Variants in IMMP2L observed in about 807,000 individuals in gnomAD.
IMMP2L encodes inner mitochondrial membrane peptidase subunit 2, also known as mitochondrial inner membrane protease subunit 2.
A neutral mutation model predicts 19.3 loss-of-function variants in IMMP2L; 18 were observed. The ratio of observed to expected loss-of-function variants is 0.93; its 90% CI spans 0.64 to 1.38. The LOEUF is 1.38. Among genes scored for constraint, IMMP2L ranks in the 40% most tolerant of loss-of-function variants. The pLI is 0.00. For missense variants in IMMP2L, 233 were observed against 218.2 expected (o/e 1.07, Z -0.43); for synonymous variants, 76 against 73.0 (o/e 1.04, Z -0.21).
At chr7:111,170,990 G>T (rs1016842500) in intron 3 of IMMP2L, among the ~76,000 whole-genome samples, 3 of 151,752 alleles carry the variant, frequency 2.0e-5, no homozygotes, top group South Asian at 2.1e-4. Flanking sequence ...CTTATAATCA[G>T]GTTATATGAA....
intron 3 of IMMP2L, among the ~76,000 whole-genome samples, chr7:111,313,821 T>C (rs746218945): frequency 6.6e-5 from 10 of 152,112 alleles, no homozygotes; most frequent in Admixed American, 3.9e-4. Flanking sequence ...ATTTGTCCAA[T>C]CCAAATTTCA....
At chr7:110,665,359 A>T (rs58165417) in intron 5 of IMMP2L, among the ~76,000 whole-genome samples, 44,789 of 152,042 alleles carry the variant, frequency 0.29, 10,096 homozygotes, top group African/African-American at 0.63. Flanking sequence ...TATCCCTGAA[A>T]ACTTCAACAT....
chr7:110,753,715 T>TAAGA (rs976276630), intron 5 of IMMP2L, among the ~76,000 whole-genome samples: 5 of 151,098 alleles, frequency 3.3e-5, no homozygotes, highest in African/African-American at 1.2e-4. Context: ...GCCAAAAAGG[T>TAAGA]AAGAGGCTTT....
intron 3 of IMMP2L, among the ~76,000 whole-genome samples, chr7:110,978,003 A>C (rs2129557556): frequency 6.6e-6 from 1 of 152,180 alleles, no homozygotes; most frequent in Non-Finnish European, 1.5e-5. Context: ...TATTTTAATT[A>C]ATTGTTCCTC....
chr7:110,897,160 T>A (rs2129546787), intron 4 of IMMP2L, among the ~76,000 whole-genome samples: 1 of 152,186 alleles, frequency 6.6e-6, no homozygotes, highest in Non-Finnish European at 1.5e-5. Context: ...TGCTGTAAAA[T>A]AACATACGAA....
intron 3 of IMMP2L, among the ~76,000 whole-genome samples, chr7:111,300,416 G>C (rs2129966957): frequency 6.6e-6 from 1 of 152,198 alleles, no homozygotes; most frequent in South Asian, 2.1e-4. Flanking sequence ...GATAATTGTA[G>C]ATTCACATGC....
At chr7:111,423,323 C>A (rs139147085) in intron 3 of IMMP2L, among the ~76,000 whole-genome samples, 1 of 151,678 alleles carries the variant, frequency 6.6e-6, no homozygotes. Flanking sequence ...TGGTAGAATT[C>A]GGCTGTGAAT....
intron 5 of IMMP2L, among the ~76,000 whole-genome samples, chr7:110,671,442 C>T (rs974160814): frequency 1.3e-5 from 2 of 152,204 alleles, no homozygotes; most frequent in Non-Finnish European, 2.9e-5. Flanking sequence ...TTAGCAATCT[C>T]TGTTTTAGGA....
chr7:111,157,598 G>C (rs1337599900), intron 3 of IMMP2L, among the ~76,000 whole-genome samples: 1 of 152,018 alleles, frequency 6.6e-6, no homozygotes, highest in Non-Finnish European at 1.5e-5. Flanking sequence ...GAAGGAGTGG[G>C]GATGGTTGGT....
intron 3 of IMMP2L, among the ~76,000 whole-genome samples, chr7:111,120,245 G>A (rs575275358): frequency 5.3e-5 from 8 of 152,188 alleles, no homozygotes; most frequent in Middle Eastern, 3.4e-3. Context: ...ACATATCCAA[G>A]ACTGAGTAAT....
chr7:111,240,015 C>A (rs1814815100), intron 3 of IMMP2L, among the ~76,000 whole-genome samples: 1 of 151,872 alleles, frequency 6.6e-6, no homozygotes, highest in Non-Finnish European at 1.5e-5. Context: ...TTTGGCATTA[C>A]CACCTTATTG....
chr7:111,362,372 T>C (rs1229453107), intron 3 of IMMP2L, among the ~76,000 whole-genome samples: 2 of 152,090 alleles, frequency 1.3e-5, no homozygotes, highest in Admixed American at 6.6e-5. Flanking sequence ...TATATGGAAA[T>C]GTATTTCTTA....
chr7:110,785,183 G>A (rs1368295206), intron 5 of IMMP2L, among the ~76,000 whole-genome samples: 1 of 151,794 alleles, frequency 6.6e-6, no homozygotes, highest in Non-Finnish European at 1.5e-5. Flanking sequence ...AAAGCTATTG[G>A]TAAAATTAGA....
chr7:111,419,175 A>G (rs367759911), intron 3 of IMMP2L, among the ~76,000 whole-genome samples: 5 of 151,746 alleles, frequency 3.3e-5, no homozygotes, highest in African/African-American at 1.2e-4. Context: ...ATTCCAATAT[A>G]TGAAGAATAT....
intron 1 of IMMP2L, among the ~76,000 whole-genome samples, chr7:111,547,522 A>T (rs1418361031): frequency 8.2e-6 from 1 of 122,548 alleles, no homozygotes; most frequent in Non-Finnish European, 1.7e-5. Flanking sequence ...CCCCCTTTTT[A>T]TCCTGCTTTT....
intron 5 of IMMP2L, among the ~76,000 whole-genome samples, chr7:110,747,012 C>A (rs533323333): frequency 6.1e-4 from 93 of 151,990 alleles, no homozygotes; most frequent in Non-Finnish European, 1.1e-3. Context: ...ACTAGCAAGA[C>A]TAATAAAGAA....
chr7:110,964,969 A>T (rs2129555756), intron 3 of IMMP2L, among the ~76,000 whole-genome samples: 1 of 152,156 alleles, frequency 6.6e-6, no homozygotes, highest in African/African-American at 2.4e-5. Flanking sequence ...GTTTGACTGC[A>T]AATTCGTGAG....
At chr7:110,723,971 A>G (rs565465789) in intron 5 of IMMP2L, among the ~76,000 whole-genome samples, 2 of 152,132 alleles carry the variant, frequency 1.3e-5, no homozygotes, top group African/African-American at 2.4e-5. Context: ...TAATAGAAAG[A>G]GCTTATAAGT....
intron 5 of IMMP2L, among the ~76,000 whole-genome samples, chr7:110,818,428 C>A (rs1802730433): frequency 1.3e-5 from 2 of 152,264 alleles, no homozygotes; most frequent in African/African-American, 4.8e-5. Flanking sequence ...CATCTCACAT[C>A]AGTTAGAATG....
Sources: gnomAD v4.1 joint callset for allele counts (sites outside exome capture counted in the v4.1 genomes callset) on GRCh38, gnomAD v4.1.1 for gene constraint, MANE v1.5 for transcripts, NCBI Gene and HGNC (gene_info 2026-07-23, HGNC 2026-07-21) for gene names.